Variants in GNE observed in about 807,000 individuals in gnomAD.
GNE encodes glucosamine (UDP-N-acetyl)-2-epimerase/N-acetylmannosamine kinase.
In GNE, 41 loss-of-function variants were observed where a neutral mutation model predicts 61.8. The ratio of observed to expected loss-of-function variants is 0.66; its 90% confidence interval spans 0.52 to 0.86. GNE has a LOEUF of 0.86. Among genes scored for constraint, GNE ranks in the 40% least tolerant of loss-of-function variants. The pLI is 0.00. For missense variants in GNE, 608 were observed against 909.1 expected (o/e 0.67, Z 4.26); for synonymous variants, 264 against 326.4 (o/e 0.81, Z 2.06).
At chr9:36,260,867 T>G (rs1830591335), upstream of GNE, among the ~76,000 whole-genome samples, 1 of 19,722 alleles carries the variant, frequency 5.1e-5, no homozygotes, top group African/African-American at 2.0e-4. Flanking sequence ...AGACTCTATC[T>G]CAAAAAAAAA....
intron 6 of GNE, among the ~76,000 whole-genome samples, chr9:36,227,667 A>C (rs564375073): frequency 1.3e-5 from 2 of 152,266 alleles, no homozygotes; most frequent in African/African-American, 4.8e-5. Context: ...TGAGCCCAAG[A>C]GTTTGAGACC....
At chr9:36,258,461 G>T, upstream of GNE, 1 of 985,516 alleles carries the variant, frequency 1.0e-6, no homozygotes, top group Non-Finnish European at 1.2e-6. Context: ...CTCGTCGCTC[G>T]ACCTTGTCCC....
intron 6 of GNE, among the ~76,000 whole-genome samples, chr9:36,228,274 A>C (rs1033823702): frequency 1.1e-4 from 16 of 151,642 alleles, no homozygotes; most frequent in African/African-American, 3.9e-4. Context: ...TGCTTTTTTT[A>C]GTTTTTATCT....
At chr9:36,258,021 C>A (rs956038210) in intron 1 of GNE, among the ~76,000 whole-genome samples, 3 of 152,146 alleles carry the variant, frequency 2.0e-5, no homozygotes, top group Non-Finnish European at 4.4e-5. Flanking sequence ...TCAGCATCCC[C>A]CCTGATTGGA....
rs1314457092 is a variant in GNE, at chr9:36,222,869, A to G, written c.1541T>C (p.Val514Ala). Residue 514 changes from valine (V) to alanine (A), a missense_variant, in exon 9 of 12, where the codon GTA (valine) becomes GCA (alanine). Transcript: ENST00000642385. ...LSDTLHLPVW[V>A]DNDGNCAALA... Reference sequence around the variant, plus strand: ...GGCAGCACAGTTGCCATCATTGTCTACCCACACAGGGAGATGCAAAGTGTC... The same window carrying G: ...GGCAGCACAGTTGCCATCATTGTCTGCCCACACAGGGAGATGCAAAGTGTC... 1.4e-5 allele frequency: 22 copies of G among 1,614,046 alleles called. No individual in the cohort carries two copies. The highest frequency in any genetic ancestry group is 1.7e-5 in the Non-Finnish European group (20 of 1,179,986).
chr9:36,246,257 G>C lies in GNE; in HGVS notation c.390C>G (p.Ile130Met). 1 of 1,614,126 alleles carries C rather than the reference G, an allele frequency of 6.2e-7. No individual in the cohort carries two copies. The highest frequency in any genetic ancestry group is 8.5e-7 in the Non-Finnish European group (1 of 1,179,966). Residue 130 changes from isoleucine to methionine, a missense_variant, in exon 3 of 12, where the codon ATC (isoleucine) becomes ATG (methionine). Coordinates refer to ENST00000642385, the MANE Select transcript of GNE (RefSeq NM_005476.7). ...ATSAALMNIR[I>M]LHIEGGEVSG... ...TGACTTCCCCACCTTCAATGTGAAG[G>C]ATTCGGATGTTCATCAAGGCAGCAG...
At chr9:36,250,575 A>G (rs1371107324) in intron 1 of GNE, among the ~76,000 whole-genome samples, 1 of 151,924 alleles carries the variant, frequency 6.6e-6, no homozygotes, top group Non-Finnish European at 1.5e-5. Flanking sequence ...TTTCAAATCT[A>G]TCTCCTCCTC....
At chr9:36,270,182 C>G (rs1026308131) in intron 1 of GNE, among the ~76,000 whole-genome samples, 12 of 151,998 alleles carry the variant, frequency 7.9e-5, no homozygotes, top group Non-Finnish European at 1.8e-4. Flanking sequence ...AGGCTGGTAT[C>G]GAACTCCTGG....
At chr9:36,238,358 T>A (rs1444682906) in intron 3 of GNE, among the ~76,000 whole-genome samples, 1 of 152,198 alleles carries the variant, frequency 6.6e-6, no homozygotes, top group Non-Finnish European at 1.5e-5. Flanking sequence ...TAGTTTACAT[T>A]CACACCAGCA....
chr9:36,238,574 T>C (rs1829504427), intron 3 of GNE, among the ~76,000 whole-genome samples: 5 of 152,258 alleles, frequency 3.3e-5, no homozygotes, highest in Admixed American at 2.0e-4. Flanking sequence ...TTCATGTCCT[T>C]AGCCCACTTT....
chr9:36,258,524 G>T (rs1400543910), upstream of GNE: 5 of 985,264 alleles, frequency 5.1e-6, no homozygotes, highest in Admixed American at 6.1e-5. Context: ...CCGCGATCGC[G>T]CCCTGACGCC....
chr9:36,268,839 T>G (rs561665757), intron 1 of GNE, among the ~76,000 whole-genome samples: 1 of 151,984 alleles, frequency 6.6e-6, no homozygotes, highest in African/African-American at 2.4e-5. Flanking sequence ...AACTGAAGAA[T>G]AGCCCACAGG....
chr9:36,242,569 G>A (rs572372716), intron 3 of GNE, among the ~76,000 whole-genome samples: 19 of 151,946 alleles, frequency 1.3e-4, no homozygotes, highest in African/African-American at 3.4e-4. Flanking sequence ...ACAGGTGTGC[G>A]CCACCATGCT....
Position 36,215,661 on chromosome 9 carries a change from T to A in GNE, c.*1704A>T, listed in dbSNP as rs1828241045. 1 of 152,294 alleles carries A rather than the reference T, an allele frequency of 6.6e-6. No individual in the cohort carries two copies. The highest frequency in any genetic ancestry group is 1.5e-5 in the Non-Finnish European group (1 of 68,114). The allele number at this position is 152,294 out of a possible 1,614,324, so 9.4% of individuals were successfully genotyped here. A position where few individuals can be genotyped will look rare whatever the true frequency, so the allele number is the denominator to read the frequency against. On this transcript the variant is annotated 3_prime_UTR_variant, in exon 12 of 12. Coordinates refer to ENST00000642385, the MANE Select transcript of GNE (RefSeq NM_005476.7). ...TGTTGAGATAATTTAGGATAATGTA[T>A]ATGAAGCACCTAGTTCAGAGCCTGG...
intron 1 of GNE, among the ~76,000 whole-genome samples, chr9:36,276,621 T>C (rs1831270129): frequency 6.6e-6 from 1 of 152,208 alleles, no homozygotes; most frequent in African/African-American, 2.4e-5. Context: ...CTTTATCTGA[T>C]GAAAGTGCCA....
intron 1 of GNE, among the ~76,000 whole-genome samples, chr9:36,270,540 C>T (rs1361743744): frequency 7.5e-6 from 1 of 133,588 alleles, no homozygotes; most frequent in East Asian, 2.3e-4. Flanking sequence ...TTTTTTGAGA[C>T]GGAGTCTCGC....
chr9:36,220,078 A>G, intron 9 of GNE, 58 bp from the exon 10 acceptor site: 1 of 1,350,094 alleles, frequency 7.4e-7, no homozygotes, highest in South Asian at 1.2e-5. Flanking sequence ...AAACTATGAT[A>G]TCACAACGCC....
chr9:36,240,187 C>G (rs1319306650), intron 3 of GNE, among the ~76,000 whole-genome samples: 1 of 152,136 alleles, frequency 6.6e-6, no homozygotes, highest in East Asian at 1.9e-4. Flanking sequence ...GCTAAGACTT[C>G]CAGTACCATG....
intron 3 of GNE, among the ~76,000 whole-genome samples, chr9:36,245,178 C>T (rs1829817735): frequency 6.6e-6 from 1 of 151,680 alleles, no homozygotes; most frequent in East Asian, 1.9e-4. Flanking sequence ...GCAGGAGAAT[C>T]GCTTGAACCT....
Sources: gnomAD v4.1 joint callset for allele counts (sites outside exome capture counted in the v4.1 genomes callset) on GRCh38, gnomAD v4.1.1 for gene constraint, MANE v1.5 for transcripts, NCBI Gene and HGNC (gene_info 2026-07-23, HGNC 2026-07-21) for gene names.